B3GLCT: variants seen among roughly 807,000 people sequenced by gnomAD.
The protein encoded by B3GLCT is beta 3-glucosyltransferase, also known as beta-1,3-glucosyltransferase.
Under a neutral mutation model 63.4 loss-of-function variants are expected in B3GLCT, and 65 were observed. The observed-to-expected ratio is 1.03, with a 90% CI of 0.84 to 1.26. The LOEUF (loss-of-function observed/expected upper bound fraction) is 1.26, where lower values mean the gene tolerates loss of function less well. Among genes scored for constraint, B3GLCT ranks in the 50% most tolerant of loss-of-function variants. B3GLCT has a pLI of 0.00. For synonymous variants in B3GLCT, 233 were observed against 219.2 expected (o/e 1.06, Z -0.55); for missense variants, 577 against 604.8 (o/e 0.95, Z 0.48).
intron 12 of B3GLCT, among the ~76,000 whole-genome samples, chr13:31,288,022 T>C (rs1388553511): frequency 6.6e-6 from 1 of 152,210 alleles, no homozygotes; most frequent in Non-Finnish European, 1.5e-5. Context: ...TCAGGTGGCC[T>C]TGAATATATG....
intron 7 of B3GLCT, among the ~76,000 whole-genome samples, chr13:31,268,008 A>AT (rs1254294719): frequency 4.0e-5 from 6 of 151,730 alleles, no homozygotes; most frequent in Non-Finnish European, 1.5e-5. Flanking sequence ...CTAACTTAAA[A>AT]ATTTTTTTTT....
intron 7 of B3GLCT, among the ~76,000 whole-genome samples, chr13:31,263,261 C>T (rs772950934): frequency 7.2e-5 from 11 of 152,150 alleles, no homozygotes; most frequent in African/African-American, 2.7e-4. Flanking sequence ...TCTTGGAGAC[C>T]TCTTGATGCT....
intron 6 of B3GLCT, among the ~76,000 whole-genome samples, chr13:31,257,543 T>G (rs1351189801): frequency 6.6e-6 from 1 of 152,052 alleles, no homozygotes; most frequent in Non-Finnish European, 1.5e-5. Flanking sequence ...ATGTAAAAGT[T>G]AACAGCTGTC....
At chr13:31,278,278 AAT>A (rs1472808007) in intron 10 of B3GLCT, among the ~76,000 whole-genome samples, 1 of 152,208 alleles carries the variant, frequency 6.6e-6, no homozygotes, top group Non-Finnish European at 1.5e-5. Context: ...TGAAAAAAAA[AAT>A]AGTTTGTTAA....
chr13:31,200,133 G>A lies in B3GLCT; in HGVS notation c.49G>A (p.Ala17Thr). The part of the protein sequence containing the change: ...WWLLAPPALL[A>T]LLTCSLAFGL... The stretch of plus-strand genomic sequence containing the variant: ...GCTGCTCGCGCCGCCGGCGCTGCTC[G>A]CGCTCCTCACCTGCTCCCTGGGTAA... The change falls in exon 1 of 15, where the codon GCG becomes ACG. Residue 17 changes from alanine to threonine, a missense_variant. Physicochemically the swap from Ala to Thr is moderately conservative, Grantham distance 58 (BLOSUM62 0). Transcript: ENST00000343307. The A allele has an allele frequency of 7.3e-7, 1 of 1,373,372 alleles. No homozygotes were observed. The highest frequency in any genetic ancestry group is 9.5e-7 in the Non-Finnish European group (1 of 1,053,438). The allele number at this position is 1,373,372 out of a possible 1,614,324, so 85.1% of individuals were successfully genotyped here. A position where few individuals can be genotyped will look rare whatever the true frequency, so the allele number is the denominator to read the frequency against.
At chr13:31,236,126 A>G (rs1870634142) in intron 4 of B3GLCT, among the ~76,000 whole-genome samples, 1 of 152,170 alleles carries the variant, frequency 6.6e-6, no homozygotes, top group Non-Finnish European at 1.5e-5. Flanking sequence ...CAGGCTCCAG[A>G]GGGAGGTGGG....
chr13:31,316,431 A>ATATATATATATATATATATATATATATAT lies in B3GLCT; in HGVS notation c.1065-1135_1065-1134insTATATATATATATATATATATATATATAT, dbSNP rs1555255278. ...TTTATATATATATATATATATATAT[A>ATATATATATATATATATATATATATATAT]AATTTTTTTTTTTTGAGACGGAGTT... On this transcript the variant is annotated intron_variant, in intron 12 of 14. Transcript: ENST00000343307. Among the ~76,000 whole-genome samples, 301 of 109,770 alleles carry ATATATATATATATATATATATATATATAT rather than the reference A, an allele frequency of 2.7e-3. 1 individual carries two copies. Among genetic ancestry groups the ATATATATATATATATATATATATATATAT allele is most frequent in the Non-Finnish European group, 3.5e-3 (186 of 53,572 alleles). The allele number at this position is 109,770 out of a possible 152,430, so 72.0% of individuals were successfully genotyped here. A position where few individuals can be genotyped will look rare whatever the true frequency, so the allele number is the denominator to read the frequency against.
chr13:31,317,800 G>T, intron 13 of B3GLCT, 115 bp downstream of exon 13: 2 of 1,272,088 alleles, frequency 1.6e-6, no homozygotes, highest in Non-Finnish European at 1.1e-6. Context: ...TGTGAATGGT[G>T]GTTGTTACTA....
intron 2 of B3GLCT, among the ~76,000 whole-genome samples, chr13:31,217,136 A>G (rs894305021): frequency 6.6e-6 from 1 of 152,330 alleles, no homozygotes; most frequent in East Asian, 1.9e-4. Context: ...AGTAATAGCC[A>G]TTCTGACTAG....
rs1355762124 is a variant in B3GLCT at position 31,329,893 on chromosome 13, G to A, written c.*225G>A. ...AAATCACTTGCTTTTGACTTATGCA[G>A]TTGTTTTAACACTTAGTGATGACTG... On this transcript the variant is annotated 3_prime_UTR_variant, in exon 15 of 15. Transcript: ENST00000343307. 9 of 558,046 alleles carry A rather than the reference G, an allele frequency of 1.6e-5. No individual in the cohort carries two copies. Among genetic ancestry groups the A allele is most frequent in the Non-Finnish European group, 2.9e-5 (9 of 312,338 alleles). The allele number at this position is 558,046 out of a possible 1,614,324, so 34.6% of individuals were successfully genotyped here.
intron 2 of B3GLCT, among the ~76,000 whole-genome samples, chr13:31,215,355 T>C (rs1869505441): frequency 6.6e-6 from 1 of 152,206 alleles, no homozygotes; most frequent in African/African-American, 2.4e-5. Context: ...TGACATAGAG[T>C]TGGACATTTT....
At chr13:31,240,523 G>A (rs1460863248) in intron 4 of B3GLCT, among the ~76,000 whole-genome samples, 1 of 140,810 alleles carries the variant, frequency 7.1e-6, no homozygotes, top group East Asian at 2.0e-4. Flanking sequence ...CATTTGTTAA[G>A]CCAGGAGAGC....
intron 14 of B3GLCT, among the ~76,000 whole-genome samples, chr13:31,328,523 C>CGT (rs1875747643): frequency 6.6e-6 from 1 of 151,606 alleles, no homozygotes; most frequent in African/African-American, 2.4e-5. Context: ...GTGAAACCCC[C>CGT]GTCTCCACTA....
At chr13:31,240,793 A>G (rs944103918) in intron 4 of B3GLCT, among the ~76,000 whole-genome samples, 44 of 152,330 alleles carry the variant, frequency 2.9e-4, no homozygotes, top group African/African-American at 9.6e-4. Flanking sequence ...ATAGGCATTA[A>G]TTGTATTTTT....
At chr13:31,302,317 G>A (rs1034342634) in intron 12 of B3GLCT, among the ~76,000 whole-genome samples, 1 of 152,160 alleles carries the variant, frequency 6.6e-6, no homozygotes, top group African/African-American at 2.4e-5. Flanking sequence ...CTAGTCCCGG[G>A]GAGGAGCCAA....
chr13:31,226,275 G>A (rs1373948356), intron 3 of B3GLCT, among the ~76,000 whole-genome samples: 4 of 152,032 alleles, frequency 2.6e-5, no homozygotes, highest in Admixed American at 6.6e-5. Context: ...GGGCTCACTC[G>A]TTCTTGTATC....
At chr13:31,281,808 A>G (rs1258441059) in intron 10 of B3GLCT, among the ~76,000 whole-genome samples, 2 of 152,164 alleles carry the variant, frequency 1.3e-5, no homozygotes, top group African/African-American at 2.4e-5. Context: ...TTCACATTTG[A>G]TGGTGTGGTA....
chr13:31,292,695 CTCTCT>C (rs1873731442), intron 12 of B3GLCT, among the ~76,000 whole-genome samples: 1 of 84,888 alleles, frequency 1.2e-5, no homozygotes, highest in African/African-American at 3.0e-5. Flanking sequence ...TTTTATTCTT[CTCTCT>C]TTTTTTTTTC....
chr13:31,312,010 A>G (rs1488682900), intron 12 of B3GLCT, among the ~76,000 whole-genome samples: 2 of 152,272 alleles, frequency 1.3e-5, no homozygotes, highest in African/African-American at 2.4e-5. Context: ...GACAAAAAGA[A>G]TATCCTGGTC....
Sources: gnomAD v4.1 joint callset for allele counts (sites outside exome capture counted in the v4.1 genomes callset) on GRCh38, gnomAD v4.1.1 for gene constraint, MANE v1.5 for transcripts, NCBI Gene and HGNC (gene_info 2026-07-23, HGNC 2026-07-21) for gene names.